Variants in CEACAM4 observed in about 807,000 individuals in gnomAD.
CEACAM4 encodes CEA cell adhesion molecule 4.
A neutral mutation model predicts 28.7 loss-of-function variants in CEACAM4; 30 were observed. The observed-to-expected ratio is 1.05, with a 90% CI of 0.78 to 1.42. The LOEUF (loss-of-function observed/expected upper bound fraction) is 1.42. Ranked by LOEUF, CEACAM4 falls within the 40% of genes most tolerant of loss-of-function variation. CEACAM4 has a pLI of 0.00. For synonymous variants in CEACAM4, 143 were observed against 126.5 expected, an observed-to-expected ratio of 1.13 and a Z score of -0.87; for missense variants, 330 against 308.2, an observed-to-expected ratio of 1.07 and a Z score of -0.53.
chr19:41,620,198 G>A lies in CEACAM4; in HGVS notation c.627+13C>T, dbSNP rs1463633150. ...ACCCCAGTAGAAAAGGGCTGGGGAG[G>A]GAACAGGCTTACCGAGAAGGTGGAT... On this transcript the variant is annotated intron_variant, in intron 5 of 6. Transcript: ENST00000221954. The A allele has an allele frequency of 3.3e-6, 5 of 1,493,372 alleles. No homozygotes were observed. Among genetic ancestry groups the A allele is most frequent in the African/African-American group, 1.4e-5 (1 of 69,932 alleles). 92.5% of individuals were successfully genotyped at this position (1,493,372 alleles called of 1,614,324 possible).
chr19:41,615,187 A>C (rs1361849381), downstream of CEACAM4, among the ~76,000 whole-genome samples: 1 of 151,962 alleles, frequency 6.6e-6, no homozygotes, highest in African/African-American at 2.4e-5. Flanking sequence ...TGTCCCAGTC[A>C]CAGATATGAG....
chr19:41,621,612 G>T, intron 3 of CEACAM4, 39 bp downstream of exon 3: 1 of 1,196,186 alleles, frequency 8.4e-7, no homozygotes, highest in Non-Finnish European at 1.2e-6. Flanking sequence ...ACTGGGGTCA[G>T]CCTAGGGGTG....
chr19:41,618,492 C>T, downstream of CEACAM4, among the ~76,000 whole-genome samples: 1 of 152,122 alleles, frequency 6.6e-6, no homozygotes, highest in Non-Finnish European at 1.5e-5. Context: ...CAGAGGAGAA[C>T]CTAGTGGCCA....
At chr19:41,614,437 C>T (rs565358795), downstream of CEACAM4, among the ~76,000 whole-genome samples, 4 of 152,318 alleles carry the variant, frequency 2.6e-5, no homozygotes, top group South Asian at 6.2e-4. Context: ...GTCAATGTTG[C>T]TGTAGGGACT....
At chr19:41,617,023 T>G (rs141281902), downstream of CEACAM4, among the ~76,000 whole-genome samples, 23 of 152,282 alleles carry the variant, frequency 1.5e-4, 1 homozygote, top group Middle Eastern at 3.4e-3. Flanking sequence ...AAGAATAGCA[T>G]TATCCCTGTA....
In CEACAM4 at chr19:41,625,846, T is replaced by C; in HGVS notation, c.179A>G (p.Glu60Gly). Reference sequence around the variant, plus strand: ...GTGCCAATAATAGGCTTGAATAGTTTCTGAAATATTGCAGGCCAGTAGAAG... The same window carrying C: ...GTGCCAATAATAGGCTTGAATAGTTCCTGAAATATTGCAGGCCAGTAGAAG... ...DVLLLACNIS[E>G]TIQAYYWHKG... Residue 60 changes from glutamate (E) to glycine (G), a missense_variant, in exon 2 of 7, where the codon GAA becomes GGA. Coordinates refer to ENST00000221954, the MANE Select transcript of CEACAM4 (RefSeq NM_001817.4). 6.2e-7 allele frequency: 1 copy of C among 1,613,984 alleles called. No individual in the cohort carries two copies. Among genetic ancestry groups the C allele is most frequent in the Non-Finnish European group, 8.5e-7 (1 of 1,179,992 alleles).
Position 41,619,715 on chromosome 19 carries a change from G to A in CEACAM4, c.628-4C>T, listed in dbSNP as rs1555800387. On this transcript the variant is annotated splice_region_variant and splice_polypyrimidine_tract_variant and intron_variant, in intron 5 of 6. Coordinates refer to ENST00000221954, the MANE Select transcript of CEACAM4 (RefSeq NM_001817.4). ...TTCTGGGGCTGGGTAGAGGGGCCTGGGCAGGGGAGAGAGGAGATGTCAGGG... is the reference window on the plus strand; with the variant it reads ...TTCTGGGGCTGGGTAGAGGGGCCTGAGCAGGGGAGAGAGGAGATGTCAGGG... 2 of 1,574,716 alleles carry A rather than the reference G, an allele frequency of 1.3e-6. No homozygotes were observed.
At position 41,626,912 on chromosome 19, in the gene CEACAM4, GCC is replaced by G. The variant is rs1409956082; in HGVS notation, c.50_51del (p.Gly17AlafsTer22). ...APRGGHRPWQ[G>X]LLITASLLTF... The stretch of plus-strand genomic sequence containing the variant: ...GTCCTCCCCTCACCTGTGATCAGGA[GCC>G]CCTGCCAGGGCCTGTGCCCTCCACG... On this transcript the variant is annotated frameshift_variant, in exon 1 of 7. Transcript: ENST00000221954. LOFTEE classifies it high-confidence loss of function. The G allele has an allele frequency of 6.2e-7, 1 of 1,610,252 alleles. No individual in the cohort carries two copies. The highest frequency in any genetic ancestry group is 1.7e-5 in the Admixed American group (1 of 59,732).
At chr19:41,615,387 C>T (rs187567192), downstream of CEACAM4, among the ~76,000 whole-genome samples, 103 of 152,048 alleles carry the variant, frequency 6.8e-4, no homozygotes, top group African/African-American at 2.3e-3. Context: ...GACACCCCTG[C>T]GCAGTGAAGC....
Position 41,626,951 on chromosome 19 carries a change from AG to A in CEACAM4, c.12del (p.Ser5GlnfsTer15), listed in dbSNP as rs550011355. On this transcript the variant is annotated frameshift_variant, in exon 1 of 7. Coordinates refer to ENST00000221954, the MANE Select transcript of CEACAM4 (RefSeq NM_001817.4). LOFTEE classifies it high-confidence loss of function. MGP[P>X]SAAPRGGHRP... ...CTGTGCCCTCCACGGGGAGCGGCTG[AG>A]GGGGGGCCCATGGTCTCTGCTGCCT... 27 of 1,604,736 alleles carry A rather than the reference AG, an allele frequency of 1.7e-5. No homozygotes were observed. Among genetic ancestry groups the A allele is most frequent in the Middle Eastern group, 1.7e-4 (1 of 6,022 alleles).
At chr19:41,618,427 G>A (rs926170167), downstream of CEACAM4, among the ~76,000 whole-genome samples, 1 of 152,178 alleles carries the variant, frequency 6.6e-6, no homozygotes, top group Admixed American at 6.5e-5. Context: ...TGCTCTGACA[G>A]CCCCTCTCTG....
Position 41,619,059 on chromosome 19 carries a change from C to T in CEACAM4, c.*271G>A, listed in dbSNP as rs141302346. 3.4e-3 allele frequency: 1,640 copies of T among 481,272 alleles called. 23 individuals carry two copies. Among genetic ancestry groups the T allele is most frequent in the African/African-American group, 0.028 (1,409 of 50,158 alleles). 29.8% of individuals were successfully genotyped at this position (481,272 alleles called of 1,614,324 possible). A position where few individuals can be genotyped will look rare whatever the true frequency, so the allele number is the denominator to read the frequency against. On this transcript the variant is annotated 3_prime_UTR_variant, in exon 7 of 7. Coordinates refer to ENST00000221954, the MANE Select transcript of CEACAM4 (RefSeq NM_001817.4). Reference sequence around the variant, plus strand: ...TATTCAGATCCTTTCCTGGTGACCCCGGGTGGGCCACAGGCCCATTCACTT... The same window carrying T: ...TATTCAGATCCTTTCCTGGTGACCCTGGGTGGGCCACAGGCCCATTCACTT...
intron 3 of CEACAM4, 85 bp downstream of exon 3, chr19:41,621,566 G>T: frequency 1.4e-6 from 1 of 702,706 alleles, no homozygotes; most frequent in Non-Finnish European, 2.5e-6. Flanking sequence ...CGGAAAGCCT[G>T]GCCCTGAATA....
At chr19:41,626,267 A>T (rs1417717209) in intron 1 of CEACAM4, among the ~76,000 whole-genome samples, 1 of 151,154 alleles carries the variant, frequency 6.6e-6, no homozygotes, top group African/African-American at 2.4e-5. Flanking sequence ...TTTTTGGGAG[A>T]CCCCTCCCCT....
In CEACAM4 at chr19:41,625,924, A is replaced by G. The variant is rs782227862; in HGVS notation, c.101T>C (p.Val34Ala). The G allele has an allele frequency of 1.2e-6, 2 of 1,613,578 alleles. No individual in the cohort carries two copies. The highest frequency in any genetic ancestry group is 2.2e-5 in the South Asian group (2 of 91,048). Residue 34 changes from valine (V) to alanine (A), a missense_variant, in exon 2 of 7, where the codon GTC becomes GCC. Physicochemically the swap from Val to Ala is moderately conservative, Grantham distance 64 (BLOSUM62 0). Transcript: ENST00000221954. ...CGGCAGGGCTTCAATAGTGAACTGG[A>G]CAGTGGTGGGCGGGTGCCAGAAGGT... ...LLTFWHPPTTVQFTIEALPSS... is the reference protein window; with the variant it reads ...LLTFWHPPTTAQFTIEALPSS...
chr19:41,623,419 A>ATTTTTTTT (rs57004828), intron 2 of CEACAM4, among the ~76,000 whole-genome samples: 3 of 105,058 alleles, frequency 2.9e-5, no homozygotes, highest in Non-Finnish European at 3.9e-5. Flanking sequence ...TTCGAACTGC[A>ATTTTTTTT]TTTTTTTTTT....
downstream of CEACAM4, among the ~76,000 whole-genome samples, chr19:41,618,771 G>T (rs571593294): frequency 2.9e-4 from 44 of 152,278 alleles, no homozygotes; most frequent in African/African-American, 9.4e-4. Context: ...GCATGGCCTT[G>T]GTCCCTGGGG....
At chr19:41,614,680 G>A (rs1025604611), downstream of CEACAM4, among the ~76,000 whole-genome samples, 4 of 152,130 alleles carry the variant, frequency 2.6e-5, no homozygotes, top group Non-Finnish European at 5.9e-5. Flanking sequence ...AGCTCCCTCT[G>A]CCAGTCCTTC....
In CEACAM4 at chr19:41,620,613, C is replaced by A. The variant is rs375752078; in HGVS notation, c.557G>T (p.Arg186Leu). 5.6e-6 allele frequency: 9 copies of A among 1,612,220 alleles called. No homozygotes were observed. Among genetic ancestry groups the A allele is most frequent in the African/African-American group, 2.7e-5 (2 of 74,734 alleles). ...TGGGGGCGGCTGCTCCCTGAGGTCA[C>A]GCTGGATGCTGGCCCTAGGAAAGGT... ...LSRTGRASIQ[R>L]DLREQPPPAS... The change falls in exon 4 of 7, where the codon CGT becomes CTT. Residue 186 changes from arginine to leucine, a missense_variant. Transcript: ENST00000221954.
Sources: allele counts gnomAD v4.1 joint callset (sites outside exome capture counted in the v4.1 genomes callset), GRCh38; gene constraint gnomAD v4.1.1; transcripts MANE v1.5; gene names NCBI Gene and HGNC (gene_info 2026-07-23, HGNC 2026-07-21).